Variants in CELF2 observed in about 807,000 individuals in gnomAD.
CELF2 encodes CUGBP Elav-like family member 2.
CELF2 carries 8 observed loss-of-function variants against 62.6 expected under a neutral mutation model. The observed-to-expected ratio is 0.13, with a 90% CI of 0.07 to 0.23. CELF2 has a LOEUF of 0.23. CELF2 is among the 10% of genes least tolerant of loss of function. The pLI is 1.00. For missense variants in CELF2, 333 were observed against 671.0 expected, an observed-to-expected ratio of 0.50 and a Z score of 5.56; for synonymous variants, 258 against 250.0, an observed-to-expected ratio of 1.03 and a Z score of -0.30.
At chr10:10,582,160 T>C in the CELF2 span, among the ~76,000 whole-genome samples, 48,040 of 152,126 alleles carry the variant, frequency 0.32, 7,988 homozygotes, top group East Asian at 0.6. Context: ...TATCATACTT[T>C]CTATCCACTT....
At chr10:10,801,360 G>T (rs2054644711) in intron 1 of CELF2, among the ~76,000 whole-genome samples, 1 of 152,180 alleles carries the variant, frequency 6.6e-6, no homozygotes, top group Non-Finnish European at 1.5e-5. Context: ...TTCCTTAATT[G>T]TTTACAACAA....
the CELF2 span, among the ~76,000 whole-genome samples, chr10:10,520,810 A>G: frequency 8.5e-5 from 13 of 152,182 alleles, no homozygotes; most frequent in Admixed American, 2.0e-4. Context: ...TTTAATACCT[A>G]TTATGCTCTA....
chr10:11,115,211 T>G (rs544631515), intron 1 of CELF2, among the ~76,000 whole-genome samples: 1 of 152,344 alleles, frequency 6.6e-6, no homozygotes, highest in East Asian at 1.9e-4. Flanking sequence ...TTTTTTCAAC[T>G]TCGTTTGATT....
chr10:10,859,004 A>G (rs2059910226), intron 1 of CELF2, among the ~76,000 whole-genome samples: 1 of 152,172 alleles, frequency 6.6e-6, no homozygotes. Flanking sequence ...CTAGCAGATG[A>G]TAATAAGTAA....
At chr10:10,899,756 G>A (rs995367019) in intron 1 of CELF2, among the ~76,000 whole-genome samples, 11 of 152,202 alleles carry the variant, frequency 7.2e-5, no homozygotes, top group Admixed American at 6.5e-4. Flanking sequence ...TGACGGGGAA[G>A]CTAGAGCAGG....
At chr10:11,069,645 G>A (rs1438667598) in intron 1 of CELF2, among the ~76,000 whole-genome samples, 1 of 152,190 alleles carries the variant, frequency 6.6e-6, no homozygotes, top group South Asian at 2.1e-4. Context: ...GTGGACAAAT[G>A]CAGGTGTGTA....
intron 2 of CELF2, among the ~76,000 whole-genome samples, chr10:10,940,761 G>A (rs2046962918): frequency 6.6e-6 from 1 of 152,190 alleles, no homozygotes; most frequent in Non-Finnish European, 1.5e-5. Flanking sequence ...GTTCATATGT[G>A]TAGTGTATGT....
intron 2 of CELF2, among the ~76,000 whole-genome samples, chr10:10,959,921 C>G (rs1045265645): frequency 6.6e-6 from 1 of 152,232 alleles, no homozygotes; most frequent in African/African-American, 2.4e-5. Context: ...TCACTGCCAC[C>G]TTGTGTGACC....
intron 1 of CELF2, among the ~76,000 whole-genome samples, chr10:10,885,735 G>A (rs1264933114): frequency 6.6e-6 from 1 of 152,142 alleles, no homozygotes; most frequent in African/African-American, 2.4e-5. Flanking sequence ...ATTCATTGAT[G>A]TGCCTTTCCC....
the CELF2 span, among the ~76,000 whole-genome samples, chr10:10,787,081 A>C: frequency 2.6e-5 from 4 of 152,202 alleles, no homozygotes; most frequent in Non-Finnish European, 5.9e-5. Flanking sequence ...TAGAACTTTA[A>C]TATGTGTTAA....
chr10:11,226,051 A>G (rs1180106636), intron 3 of CELF2, among the ~76,000 whole-genome samples: 1 of 152,202 alleles, frequency 6.6e-6, no homozygotes, highest in Non-Finnish European at 1.5e-5. Flanking sequence ...TTTAGGTGTC[A>G]TGCTCACTGC....
intron 1 of CELF2, among the ~76,000 whole-genome samples, chr10:11,029,032 G>T (rs932744131): frequency 6.6e-6 from 1 of 152,224 alleles, no homozygotes; most frequent in African/African-American, 2.4e-5. Context: ...GATTTTGATG[G>T]TATGAATATG....
At chr10:11,054,265 TC>T (rs2064648992) in intron 1 of CELF2, among the ~76,000 whole-genome samples, 1 of 152,204 alleles carries the variant, frequency 6.6e-6, no homozygotes, top group Non-Finnish European at 1.5e-5. Flanking sequence ...CCATTATCTT[TC>T]CTTCACCAAA....
At chr10:10,866,607 CAAA>C (rs55875778) in intron 1 of CELF2, among the ~76,000 whole-genome samples, 1,296 of 52,400 alleles carry the variant, frequency 0.025, 5 homozygotes, top group Middle Eastern at 0.03. Flanking sequence ...TCCATCCTCT[CAAA>C]AAAAAAAAAA....
At chr10:10,508,668 G>A in the CELF2 span, among the ~76,000 whole-genome samples, 1,589 of 45,206 alleles carry the variant, frequency 0.035, 11 homozygotes, top group East Asian at 0.086. Flanking sequence ...AGATGTGTGT[G>A]TGTGTGTGTG....
chr10:10,688,270 A>C, the CELF2 span, among the ~76,000 whole-genome samples: 1 of 152,206 alleles, frequency 6.6e-6, no homozygotes, highest in African/African-American at 2.4e-5. Context: ...AGAATCCTTT[A>C]AGGTAGGAGA....
chr10:10,712,358 G>C, the CELF2 span, among the ~76,000 whole-genome samples: 2 of 151,974 alleles, frequency 1.3e-5, no homozygotes, highest in African/African-American at 2.4e-5. Context: ...TTGACTACAC[G>C]CTTCTCTAAT....
At chr10:11,072,151 T>G (rs954039489) in intron 1 of CELF2, among the ~76,000 whole-genome samples, 3 of 152,222 alleles carry the variant, frequency 2.0e-5, no homozygotes, top group Non-Finnish European at 4.4e-5. Context: ...CATTCTTTTG[T>G]CGTTTTTTCT....
chr10:11,326,130 C>A, intron 12 of CELF2, 151 bp downstream of exon 12: 1 of 772,180 alleles, frequency 1.3e-6, no homozygotes, highest in Non-Finnish European at 2.0e-6. Context: ...CAGATTTGGG[C>A]AAAGAAAGGA....
Sources: gnomAD v4.1 joint callset for allele counts (sites outside exome capture counted in the v4.1 genomes callset) on GRCh38, gnomAD v4.1.1 for gene constraint, MANE v1.5 for transcripts, NCBI Gene and HGNC (gene_info 2026-07-23, HGNC 2026-07-21) for gene names.